Variants in AGTPBP1 observed in about 807,000 individuals in gnomAD.
AGTPBP1 encodes ATP/GTP binding carboxypeptidase 1, also known as cytosolic carboxypeptidase 1.
In AGTPBP1, 70 loss-of-function variants were observed where a neutral mutation model predicts 143.9. The ratio of observed to expected loss-of-function variants is 0.49; its 90% confidence interval spans 0.40 to 0.59. AGTPBP1 has a LOEUF of 0.59. AGTPBP1 is among the 20% of genes least tolerant of loss of function. The pLI, the probability that AGTPBP1 is intolerant of heterozygous loss-of-function variation, is 0.00. For synonymous variants in AGTPBP1, 463 were observed against 500.2 expected (o/e 0.93, Z 0.99); for missense variants, 1,229 against 1,464.5 (o/e 0.84, Z 2.62).
chr9:85,556,018 A>C (rs1564005964), intron 25 of AGTPBP1, among the ~76,000 whole-genome samples: 1 of 152,208 alleles, frequency 6.6e-6, no homozygotes, highest in Non-Finnish European at 1.5e-5. Flanking sequence ...GATCAGAAAA[A>C]AATAACTATT....
chr9:85,552,959 T>C (rs773188264), intron 25 of AGTPBP1, among the ~76,000 whole-genome samples: 7 of 152,246 alleles, frequency 4.6e-5, no homozygotes, highest in East Asian at 1.9e-4. Flanking sequence ...TTTTCTTGTA[T>C]TGAAATGTCA....
chr9:85,634,464 G>A (rs1447702613), intron 13 of AGTPBP1, among the ~76,000 whole-genome samples: 3 of 152,116 alleles, frequency 2.0e-5, no homozygotes, highest in Admixed American at 6.6e-5. Flanking sequence ...GAATGGACAA[G>A]ATGAATGCCA....
chr9:85,639,342 T>TGCGCGC (rs1308314777), intron 13 of AGTPBP1, among the ~76,000 whole-genome samples: 1 of 141,410 alleles, frequency 7.1e-6, no homozygotes, highest in Non-Finnish European at 1.6e-5. Context: ...CATGCATACA[T>TGCGCGC]ACACACACCC....
intron 25 of AGTPBP1, among the ~76,000 whole-genome samples, chr9:85,575,079 G>C (rs761392572): frequency 6.6e-6 from 1 of 152,068 alleles, no homozygotes; most frequent in African/African-American, 2.4e-5. Flanking sequence ...GGGGTTAAAA[G>C]TAAACCAGTA....
chr9:85,555,748 A>G (rs1826299960), intron 25 of AGTPBP1, among the ~76,000 whole-genome samples: 1 of 152,244 alleles, frequency 6.6e-6, no homozygotes, highest in Admixed American at 6.5e-5. Context: ...AGTCTTCAAA[A>G]GTGAAGGTGA....
At chr9:85,770,108 C>CGTGT in the AGTPBP1 span, among the ~76,000 whole-genome samples, 2 of 148,800 alleles carry the variant, frequency 1.3e-5, no homozygotes, top group African/African-American at 5.1e-5. Context: ...TGTATACACA[C>CGTGT]ATGTATACAC....
Position 85,697,068 on chromosome 9 carries a change from T to C in AGTPBP1, c.33-4255A>G, listed in dbSNP as rs184290186. 2.6e-3 allele frequency among the ~76,000 whole-genome samples: 390 copies of C among 152,304 alleles called. 1 individual carries two copies. The highest frequency in any genetic ancestry group is 7.9e-3 in the African/African-American group (329 of 41,570). The stretch of plus-strand genomic sequence containing the variant: ...CACATGATTTTATTTTCCTCCACCA[T>C]AAATCAAAGGACAACAATCTAAAAA... On this transcript the variant is annotated intron_variant, in intron 2 of 25. Coordinates refer to ENST00000357081, the MANE Select transcript of AGTPBP1 (RefSeq NM_001330701.2).
chr9:85,775,673 G>A, the AGTPBP1 span, among the ~76,000 whole-genome samples: 2 of 151,672 alleles, frequency 1.3e-5, no homozygotes, highest in African/African-American at 4.8e-5. Flanking sequence ...CTGCAAGCTT[G>A]AGGAGCAAGG....
At chr9:85,739,829 C>T (rs992325101) in intron 1 of AGTPBP1, among the ~76,000 whole-genome samples, 9 of 151,504 alleles carry the variant, frequency 5.9e-5, no homozygotes, top group South Asian at 2.1e-4. Flanking sequence ...GCCTGGCCAA[C>T]ATGGTGAAAC....
At chr9:85,631,357 A>G (rs1298431658) in intron 14 of AGTPBP1, among the ~76,000 whole-genome samples, 5 of 152,258 alleles carry the variant, frequency 3.3e-5, no homozygotes, top group African/African-American at 1.2e-4. Flanking sequence ...AATTTACTGT[A>G]TGCACTGCAT....
the AGTPBP1 span, among the ~76,000 whole-genome samples, chr9:85,753,938 GGTTT>G: frequency 6.6e-6 from 1 of 152,092 alleles, no homozygotes; most frequent in Non-Finnish European, 1.5e-5. Flanking sequence ...TACACATGCA[GGTTT>G]GTTAGATGGG....
intron 25 of AGTPBP1, among the ~76,000 whole-genome samples, chr9:85,555,388 A>G (rs1826273017): frequency 6.6e-6 from 1 of 152,152 alleles, no homozygotes; most frequent in Non-Finnish European, 1.5e-5. Context: ...TCACGAGGTC[A>G]GGAAATCGAG....
chr9:85,577,142 A>G (rs1827946019), intron 24 of AGTPBP1, among the ~76,000 whole-genome samples: 2 of 152,216 alleles, frequency 1.3e-5, no homozygotes. Context: ...AAAGTCTATC[A>G]GTAGAATCCA....
the AGTPBP1 span, among the ~76,000 whole-genome samples, chr9:85,750,458 T>C: frequency 7.2e-5 from 11 of 152,364 alleles, no homozygotes; most frequent in East Asian, 1.3e-3. Context: ...GTCATGATTA[T>C]TGCTGGAAAT....
At chr9:85,652,394 C>A (rs936572405) in intron 11 of AGTPBP1, among the ~76,000 whole-genome samples, 4 of 151,966 alleles carry the variant, frequency 2.6e-5, no homozygotes, top group African/African-American at 9.7e-5. Context: ...CACCTGTAGT[C>A]CCAGCTACTT....
At chr9:85,668,843 A>T (rs1162426621) in intron 8 of AGTPBP1, among the ~76,000 whole-genome samples, 2 of 151,532 alleles carry the variant, frequency 1.3e-5, no homozygotes, top group Admixed American at 1.3e-4. Context: ...ATAAAAAAAA[A>T]TTTTAAAGAA....
chr9:85,803,508 T>C, the AGTPBP1 span, among the ~76,000 whole-genome samples: 1 of 152,236 alleles, frequency 6.6e-6, no homozygotes, highest in African/African-American at 2.4e-5. Flanking sequence ...TTGAAGATGC[T>C]GGTTCAGCAG....
At chr9:85,772,976 A>G in the AGTPBP1 span, among the ~76,000 whole-genome samples, 6 of 152,142 alleles carry the variant, frequency 3.9e-5, no homozygotes, top group South Asian at 6.2e-4. Flanking sequence ...ATTAAAAATG[A>G]AAGTGTCGGC....
chr9:85,669,448 G>C, intron 8 of AGTPBP1, 37 bp downstream of exon 8: 1 of 1,375,114 alleles, frequency 7.3e-7, no homozygotes, highest in Admixed American at 1.7e-5. Flanking sequence ...GAGTAACAAA[G>C]GCTATACCTA....
Sources: allele counts gnomAD v4.1 joint callset (sites outside exome capture counted in the v4.1 genomes callset), GRCh38; gene constraint gnomAD v4.1.1; transcripts MANE v1.5; gene names NCBI Gene and HGNC (gene_info 2026-07-23, HGNC 2026-07-21).